The following UPK3A variants were observed in gnomAD, a reference collection of about 807,000 sequenced individuals.
UPK3A encodes the protein uroplakin-3a.
A neutral mutation model predicts 27.6 loss-of-function variants in UPK3A; 32 were observed. The ratio of observed to expected loss-of-function variants is 1.16; its 90% CI spans 0.87 to 1.55. The LOEUF is 1.55. UPK3A is among the 40% of genes most tolerant of loss of function. The probability of loss-of-function intolerance (pLI) is 0.00; values close to 1 mark genes in which losing one functional copy is unlikely to be tolerated. For synonymous variants in UPK3A, 171 were observed against 163.9 expected (o/e 1.04, Z -0.33); for missense variants, 370 against 367.9 (o/e 1.01, Z -0.05).
chr22:45,288,119 G>T (rs1043983061), intron 3 of UPK3A, among the ~76,000 whole-genome samples: 1 of 152,130 alleles, frequency 6.6e-6, no homozygotes, highest in Admixed American at 6.5e-5. Flanking sequence ...GCCAGAGAGG[G>T]AAGGTCACCC....
intron 5 of UPK3A, among the ~76,000 whole-genome samples, chr22:45,295,027 A>G (rs2084185875): frequency 6.6e-6 from 1 of 151,532 alleles, no homozygotes; most frequent in East Asian, 1.9e-4. Context: ...CACCATGCCC[A>G]GCTAATTTTT....
chr22:45,293,531 T>C (rs1364333875), intron 5 of UPK3A, among the ~76,000 whole-genome samples: 3 of 151,970 alleles, frequency 2.0e-5, no homozygotes, highest in Admixed American at 2.0e-4. Flanking sequence ...CTGGGAAGGG[T>C]GGGACTCAGC....
In UPK3A at chr22:45,295,610, A is replaced by G; in HGVS notation, c.755A>G (p.Gln252Arg). ...GETTHDSQIT[Q>R]EAVPKSLGAS... is the part of the protein sequence containing the mutation. ...ACGACTCACGACTCCCAAATCACTC[A>G]GGAGGCTGTTCCCAAGTCGCTGGGG... is the stretch of plus-strand genomic sequence containing the variant. The change falls in exon 6 of 6, where the codon CAG becomes CGG. Residue 252 changes from glutamine to arginine, a missense_variant. Transcript: ENST00000216211. The G allele has an allele frequency of 1.9e-6, 3 of 1,614,058 alleles. No individual in the cohort carries two copies. Among genetic ancestry groups the G allele is most frequent in the Non-Finnish European group, 2.5e-6 (3 of 1,180,010 alleles).
chr22:45,288,999 G>T, intron 3 of UPK3A, 62 bp from the exon 4 acceptor site: 2 of 1,533,550 alleles, frequency 1.3e-6, no homozygotes. Context: ...TCCCCCCACC[G>T]CCTCCCTGTG....
At chr22:45,289,015 G>A (rs992590172) in intron 3 of UPK3A, 46 bp from the exon 4 acceptor site, 13 of 1,590,110 alleles carry the variant, frequency 8.2e-6, no homozygotes, top group African/African-American at 1.3e-5. Flanking sequence ...CTGTGGGTGG[G>A]GCTCACAGGA....
chr22:45,290,867 A>G (rs1220884043), intron 4 of UPK3A, among the ~76,000 whole-genome samples: 1 of 152,092 alleles, frequency 6.6e-6, no homozygotes, highest in Non-Finnish European at 1.5e-5. Context: ...CATGCCAGGG[A>G]TTAGGTTGCA....
Position 45,291,738 on chromosome 22 carries a change from G to A in UPK3A, c.572-1443G>A, listed in dbSNP as rs567688394. Among the ~76,000 whole-genome samples, 670 of 149,850 alleles carry A rather than the reference G, an allele frequency of 4.5e-3. 6 individuals are homozygous for A. Among genetic ancestry groups the A allele is most frequent in the Middle Eastern group, 0.021 (6 of 284 alleles). ...GTGTGAGTTGGTATGCGTGGTGTGT[G>A]TAACTGTGTGTGTGTGAGTTGGTAT... On this transcript the variant is annotated intron_variant, in intron 4 of 5. Transcript: ENST00000216211.
intron 4 of UPK3A, 32 bp from the exon 5 acceptor site, chr22:45,293,149 C>T (rs964407612): frequency 8.7e-6 from 14 of 1,611,898 alleles, no homozygotes; most frequent in Non-Finnish European, 1.2e-5. Flanking sequence ...GGTGCGGTGT[C>T]TGGGAAGTAA....
chr22:45,284,958 G>A lies in UPK3A; in HGVS notation c.-56G>A. The A allele has an allele frequency of 6.7e-7, 1 of 1,495,490 alleles. No homozygotes were observed. Among genetic ancestry groups the A allele is most frequent in the South Asian group, 1.2e-5 (1 of 82,266 alleles). 92.6% of individuals were successfully genotyped at this position (1,495,490 alleles called of 1,614,324 possible). A position where few individuals can be genotyped will look rare whatever the true frequency, so the allele number is the denominator to read the frequency against. ...GTGCCCTGGCAGGGACAGGTCTGGTGCCCGCGCCTGCTCGCTGGACCGCCC... is the reference window on the plus strand; with the variant it reads ...GTGCCCTGGCAGGGACAGGTCTGGTACCCGCGCCTGCTCGCTGGACCGCCC... On this transcript the variant is annotated 5_prime_UTR_variant, in exon 1 of 6. Transcript: ENST00000216211.
rs116932835 is a variant in UPK3A at position 45,288,191 on chromosome 22, C to A, written c.488+740C>A. ...ACCAAAGCCTTGCCATCTGCAGCCT[C>A]AACTTCTGCTTTTTTTTTTTTGAGA... is the stretch of plus-strand genomic sequence containing the variant. On this transcript the variant is annotated intron_variant, in intron 3 of 5. Coordinates refer to ENST00000216211, the MANE Select transcript of UPK3A (RefSeq NM_006953.4). 1.0e-4 allele frequency among the ~76,000 whole-genome samples: 15 copies of A among 149,306 alleles called. No individual in the cohort carries two copies. The East Asian group carries it at 2.6e-3, about 26-fold the overall frequency.
intron 4 of UPK3A, among the ~76,000 whole-genome samples, chr22:45,290,056 G>T (rs1319989941): frequency 6.6e-6 from 1 of 152,182 alleles, no homozygotes; most frequent in East Asian, 1.9e-4. Context: ...GATGGCAAAG[G>T]CAGCAAGGAA....
intron 4 of UPK3A, among the ~76,000 whole-genome samples, chr22:45,292,249 G>C (rs368603595): frequency 2.0e-5 from 3 of 152,158 alleles, no homozygotes; most frequent in African/African-American, 7.2e-5. Flanking sequence ...CAGTTTTTTT[G>C]GGGGAGGACC....
At chr22:45,289,361 G>A (rs1293032296) in intron 4 of UPK3A, among the ~76,000 whole-genome samples, 2 of 151,924 alleles carry the variant, frequency 1.3e-5, no homozygotes, top group Non-Finnish European at 2.9e-5. Context: ...GGATCACGAG[G>A]TCAGGAGATC....
At chr22:45,290,643 CA>C (rs1281379179) in intron 4 of UPK3A, among the ~76,000 whole-genome samples, 2 of 151,796 alleles carry the variant, frequency 1.3e-5, no homozygotes, top group African/African-American at 2.4e-5. Context: ...TGGTGTATAT[CA>C]GGGGTCCCCA....
Position 45,287,809 on chromosome 22 carries a change from C to T in UPK3A, c.488+358C>T, listed in dbSNP as rs926736750. Reference sequence around the variant, plus strand: ...TCCCGAGTAGCTGAGATTACAGGTGCACACCACCATGCCCGGCTAATTTTT... The same window carrying T: ...TCCCGAGTAGCTGAGATTACAGGTGTACACCACCATGCCCGGCTAATTTTT... On this transcript the variant is annotated intron_variant, in intron 3 of 5. Transcript: ENST00000216211. Among the ~76,000 whole-genome samples the T allele has an allele frequency of 5.7e-4, 87 of 152,046 alleles. 1 individual carries two copies. The highest frequency in any genetic ancestry group is 5.6e-3 in the Admixed American group (86 of 15,254).
At chr22:45,289,577 CA>C (rs77091115) in intron 4 of UPK3A, among the ~76,000 whole-genome samples, 7,833 of 80,094 alleles carry the variant, frequency 0.098, 206 homozygotes, top group East Asian at 0.17. Context: ...GACTCCGTCT[CA>C]AAAAAAAAAA....
intron 4 of UPK3A, 125 bp downstream of exon 4, chr22:45,289,268 A>G (rs111723166): frequency 0.014 from 12,645 of 928,552 alleles, 122 homozygotes; most frequent in Non-Finnish European, 0.016. Context: ...AGTGATGAGT[A>G]AAATGCTCCT....
chr22:45,294,032 G>C (rs1490076872), intron 5 of UPK3A, among the ~76,000 whole-genome samples: 1 of 152,246 alleles, frequency 6.6e-6, no homozygotes, highest in South Asian at 2.1e-4. Flanking sequence ...GACCAGGCAG[G>C]GGACAAACCA....
intron 5 of UPK3A, among the ~76,000 whole-genome samples, chr22:45,294,418 C>CA (rs1249431105): frequency 6.6e-6 from 1 of 151,718 alleles, no homozygotes; most frequent in African/African-American, 2.4e-5. Flanking sequence ...GGTACACCCC[C>CA]CCCGGGAGAC....
Sources: gnomAD v4.1 joint callset for allele counts (sites outside exome capture counted in the v4.1 genomes callset) on GRCh38, gnomAD v4.1.1 for gene constraint, MANE v1.5 for transcripts, NCBI Gene and HGNC (gene_info 2026-07-23, HGNC 2026-07-21) for gene names.